The following SPAG16 variants were observed in gnomAD, a reference collection of about 807,000 sequenced individuals.
SPAG16 encodes sperm-associated antigen 16 protein.
In SPAG16, 86 loss-of-function variants were observed where a neutral mutation model predicts 80.4. The observed-to-expected ratio is 1.07, with a 90% CI of 0.90 to 1.28. The LOEUF (loss-of-function observed/expected upper bound fraction) is 1.28, where lower values mean the gene tolerates loss of function less well. SPAG16 is among the 50% of genes most tolerant of loss of function. The probability of loss-of-function intolerance (pLI) is 0.00; values close to 1 mark genes in which losing one functional copy is unlikely to be tolerated. For missense variants in SPAG16, 870 were observed against 765.3 expected (o/e 1.14, Z -1.61); for synonymous variants, 294 against 265.9 (o/e 1.11, Z -1.03).
chr2:213,889,469 G>C lies in SPAG16; in HGVS notation c.1214+26841G>C, dbSNP rs181707652. Among the ~76,000 whole-genome samples the C allele has an allele frequency of 3.3e-3, 501 of 151,258 alleles. 1 individual carries two copies. The highest frequency in any genetic ancestry group is 6.0e-3 in the Non-Finnish European group (404 of 67,716). ...TTAAATCTATGTGTCTTTTAAGGTAGGGGAAATAGTAATGCTGACAACAAA... is the reference window on the plus strand; with the variant it reads ...TTAAATCTATGTGTCTTTTAAGGTACGGGAAATAGTAATGCTGACAACAAA... On this transcript the variant is annotated intron_variant, in intron 11 of 15. Coordinates refer to ENST00000331683, the MANE Select transcript of SPAG16 (RefSeq NM_024532.5).
chr2:214,394,698 G>A (rs1701265726), intron 15 of SPAG16, among the ~76,000 whole-genome samples: 2 of 152,084 alleles, frequency 1.3e-5, no homozygotes, highest in African/African-American at 2.4e-5. Context: ...CTGCCAGAGT[G>A]GCACATGTGT....
intron 10 of SPAG16, among the ~76,000 whole-genome samples, chr2:213,808,956 G>A (rs543556861): frequency 6.6e-6 from 1 of 152,270 alleles, no homozygotes; most frequent in East Asian, 1.9e-4. Flanking sequence ...TAATGGTAGA[G>A]TTTTATTGAA....
At position 213,364,693 on chromosome 2, in the gene SPAG16, G is replaced by C. The variant is rs114084339; in HGVS notation, c.832+548G>C. The C allele has an allele frequency of 9.7e-3, 1,472 of 152,330 alleles. 16 individuals carry two copies. The highest frequency in any genetic ancestry group is 0.015 in the Non-Finnish European group (1,038 of 68,066). 9.4% of individuals were successfully genotyped at this position (152,330 alleles called of 1,614,324 possible). On this transcript the variant is annotated intron_variant, in intron 8 of 15. Transcript: ENST00000331683. The stretch of plus-strand genomic sequence containing the variant: ...CCAGAGAAGAGAGCTGCAATGAGGA[G>C]TGGCTCAGTTTGTGAGGGAGTTTAC...
chr2:213,846,958 A>C (rs987707741), intron 10 of SPAG16, among the ~76,000 whole-genome samples: 1 of 152,122 alleles, frequency 6.6e-6, no homozygotes, highest in Non-Finnish European at 1.5e-5. Context: ...CTGTGGGCAG[A>C]CTTCAGGTTT....
intron 10 of SPAG16, among the ~76,000 whole-genome samples, chr2:213,603,000 C>A (rs897782352): frequency 1.6e-4 from 24 of 152,116 alleles, no homozygotes; most frequent in African/African-American, 5.8e-4. Flanking sequence ...CAGCTTTTTT[C>A]GCAATAACAA....
Position 214,149,096 on chromosome 2 carries a change from T to TATATATATATATATATAC in SPAG16, c.1594-43_1594-42insTATATATATATATATACA, listed in dbSNP as rs3043764. On this transcript the variant is annotated intron_variant, in intron 14 of 15. Coordinates refer to ENST00000331683, the MANE Select transcript of SPAG16 (RefSeq NM_024532.5). The stretch of plus-strand genomic sequence containing the variant: ...GTGTGTGTATATATATATATATATA[T>TATATATATATATATATAC]ACATACATACACATTTTATTTTTGT... 79 of 750,284 alleles carry TATATATATATATATATAC rather than the reference T, an allele frequency of 1.1e-4. No homozygotes were observed. The African/African-American group carries it at 1.2e-3, about 11-fold the overall frequency. 46.5% of individuals were successfully genotyped at this position (750,284 alleles called of 1,614,324 possible).
intron 9 of SPAG16, among the ~76,000 whole-genome samples, chr2:213,453,488 G>A (rs1575625868): frequency 2.0e-5 from 3 of 152,302 alleles, no homozygotes; most frequent in South Asian, 4.1e-4. Flanking sequence ...AGCTTTTCCA[G>A]TTTAAGCAGT....
chr2:213,860,786 AT>A (rs767739560), intron 10 of SPAG16, among the ~76,000 whole-genome samples: 12 of 152,248 alleles, frequency 7.9e-5, no homozygotes, highest in Admixed American at 5.2e-4. Flanking sequence ...AACATCAATG[AT>A]TTTAGTTATC....
intron 7 of SPAG16, among the ~76,000 whole-genome samples, chr2:213,353,005 C>G (rs993134156): frequency 6.6e-6 from 1 of 152,146 alleles, no homozygotes; most frequent in Non-Finnish European, 1.5e-5. Context: ...AAATGGCATG[C>G]CCTTTTTATT....
At position 214,410,121 on chromosome 2, in the gene SPAG16, T is replaced by C. The variant is rs761685406; in HGVS notation, c.1721-19T>C. 16 of 1,612,044 alleles carry C rather than the reference T, an allele frequency of 9.9e-6. No individual in the cohort carries two copies. Among genetic ancestry groups the C allele is most frequent in the South Asian group, 5.5e-5 (5 of 91,044 alleles). On this transcript the variant is annotated intron_variant, in intron 15 of 15. Coordinates refer to ENST00000331683, the MANE Select transcript of SPAG16 (RefSeq NM_024532.5). ...AACTTTGATTCATTCTCTCTCTCTC[T>C]CCTCTCTGTCTCCCTCAGGTCGAGT...
At chr2:213,841,656 C>A (rs1575319462) in intron 10 of SPAG16, among the ~76,000 whole-genome samples, 1 of 152,070 alleles carries the variant, frequency 6.6e-6, no homozygotes, top group African/African-American at 2.4e-5. Context: ...GTACAATTAG[C>A]ACCTTTGATA....
At chr2:214,296,953 T>G (rs1694175262) in intron 15 of SPAG16, among the ~76,000 whole-genome samples, 1 of 152,210 alleles carries the variant, frequency 6.6e-6, no homozygotes, top group African/African-American at 2.4e-5. Context: ...TCTGTCACCA[T>G]GTGGCATGCT....
intron 10 of SPAG16, among the ~76,000 whole-genome samples, chr2:213,620,673 G>T (rs759162236): frequency 6.6e-6 from 1 of 151,986 alleles, no homozygotes; most frequent in African/African-American, 2.4e-5. Flanking sequence ...TGAGGTTATG[G>T]ATATGCTAAT....
Position 213,969,921 on chromosome 2 carries a change from G to A in SPAG16, c.1400+39776G>A, listed in dbSNP as rs575513489. On this transcript the variant is annotated intron_variant, in intron 12 of 15. Transcript: ENST00000331683. Reference sequence around the variant, plus strand: ...TCCGTTTGGGCTATTATAAGAAAATGCCTTAGACTGAGTAACTTGTGAAAA... The same window carrying A: ...TCCGTTTGGGCTATTATAAGAAAATACCTTAGACTGAGTAACTTGTGAAAA... Among the ~76,000 whole-genome samples the A allele has an allele frequency of 1.7e-4, 26 of 152,218 alleles. No homozygotes were observed. The South Asian group carries it at 4.1e-3, about 24-fold the overall frequency.
At chr2:213,336,738 T>C (rs886410703) in intron 5 of SPAG16, among the ~76,000 whole-genome samples, 2 of 152,114 alleles carry the variant, frequency 1.3e-5, no homozygotes, top group African/African-American at 4.8e-5. Flanking sequence ...AACTTTGATA[T>C]CCCTGAGAGG....
At chr2:213,749,754 T>C (rs1206328209) in intron 10 of SPAG16, among the ~76,000 whole-genome samples, 2 of 152,016 alleles carry the variant, frequency 1.3e-5, no homozygotes, top group African/African-American at 4.8e-5. Flanking sequence ...TATTTTGTTC[T>C]CCTTCTTTCC....
At chr2:214,028,647 A>G (rs927655815) in intron 13 of SPAG16, among the ~76,000 whole-genome samples, 3 of 152,078 alleles carry the variant, frequency 2.0e-5, no homozygotes, top group African/African-American at 7.2e-5. Context: ...GAGTATTATT[A>G]AATAAGAATC....
At chr2:213,827,948 C>A (rs10204125) in intron 10 of SPAG16, among the ~76,000 whole-genome samples, 1 of 151,824 alleles carries the variant, frequency 6.6e-6, no homozygotes, top group African/African-American at 2.4e-5. Flanking sequence ...TCTCTTTATC[C>A]TTGATCTTTG....
intron 15 of SPAG16, among the ~76,000 whole-genome samples, chr2:214,383,239 T>C (rs1384877965): frequency 6.6e-6 from 1 of 152,156 alleles, no homozygotes; most frequent in Non-Finnish European, 1.5e-5. Flanking sequence ...TAAGGGGTCC[T>C]AAGCATAGTC....
Sources: gnomAD v4.1 joint callset for allele counts (sites outside exome capture counted in the v4.1 genomes callset) on GRCh38, gnomAD v4.1.1 for gene constraint, MANE v1.5 for transcripts, NCBI Gene and HGNC (gene_info 2026-07-23, HGNC 2026-07-21) for gene names.